The following CFAP61 variants were observed in gnomAD, a reference collection of about 807,000 sequenced individuals.
CFAP61 encodes cilia and flagella associated protein 61.
CFAP61 carries 107 observed loss-of-function variants against 135.6 expected under a neutral mutation model. That is an observed-to-expected ratio of 0.79 (90% CI 0.67 to 0.93). CFAP61 has a LOEUF of 0.93. CFAP61 is among the 40% of genes least tolerant of loss of function. The probability of loss-of-function intolerance (pLI) is 0.00; values close to 1 mark genes in which losing one functional copy is unlikely to be tolerated. For synonymous variants in CFAP61, 575 were observed against 578.5 expected (o/e 0.99, Z 0.09); for missense variants, 1,507 against 1,556.2 (o/e 0.97, Z 0.53).
intron 9 of CFAP61, among the ~76,000 whole-genome samples, chr20:20,157,135 T>A (rs2052981334): frequency 6.6e-6 from 1 of 152,158 alleles, no homozygotes; most frequent in South Asian, 2.1e-4. Context: ...TGCAGTGGCA[T>A]GATCTCAGCT....
chr20:20,057,753 A>G (rs554227125), intron 2 of CFAP61, among the ~76,000 whole-genome samples: 2 of 152,096 alleles, frequency 1.3e-5, no homozygotes, highest in Non-Finnish European at 2.9e-5. Context: ...GGTTTGCTCT[A>G]TTGCCCAGAT....
chr20:20,329,045 G>A (rs1339199436), intron 25 of CFAP61, among the ~76,000 whole-genome samples: 1 of 152,066 alleles, frequency 6.6e-6, no homozygotes, highest in Non-Finnish European at 1.5e-5. Context: ...GGTGGTTTTT[G>A]GCTGGTAGGA....
chr20:20,297,535 A>T (rs1202984674), intron 24 of CFAP61, among the ~76,000 whole-genome samples: 4 of 152,182 alleles, frequency 2.6e-5, no homozygotes, highest in Non-Finnish European at 5.9e-5. Context: ...TACCCTTGTC[A>T]CTTGGGCTGA....
intron 25 of CFAP61, among the ~76,000 whole-genome samples, chr20:20,339,357 C>T (rs1434131483): frequency 6.6e-6 from 1 of 152,168 alleles, no homozygotes; most frequent in African/African-American, 2.4e-5. Context: ...AAACCTGGCC[C>T]TAAGCTTCAC....
At chr20:20,125,987 CT>C (rs2050037226) in intron 8 of CFAP61, among the ~76,000 whole-genome samples, 1 of 151,786 alleles carries the variant, frequency 6.6e-6, no homozygotes, top group African/African-American at 2.4e-5. Flanking sequence ...TCTCTTTTAA[CT>C]GCTGTTGCTT....
Position 20,350,481 on chromosome 20 carries a change from T to C in CFAP61, c.3513+8560T>C, listed in dbSNP as rs141384436. On this transcript the variant is annotated intron_variant, in intron 26 of 26. Transcript: ENST00000245957. ...ACATCTCTACTAAAAATACAAAAAT[T>C]AGCCGGACGTGATAGTGCACACCAG... 4.6e-3 allele frequency among the ~76,000 whole-genome samples: 702 copies of C among 152,028 alleles called. 5 individuals carry two copies. The highest frequency in any genetic ancestry group is 0.015 in the African/African-American group (619 of 41,464).
intron 2 of CFAP61, among the ~76,000 whole-genome samples, chr20:20,063,130 C>G (rs1033682402): frequency 1.3e-5 from 2 of 152,188 alleles, no homozygotes; most frequent in East Asian, 3.9e-4. Context: ...GGCACAAGTG[C>G]CTTTATAAGC....
In CFAP61 at chr20:20,074,350, T is replaced by C; in HGVS notation, c.343T>C (p.Ser115Pro). The stretch of plus-strand genomic sequence containing the variant: ...CCTCTTTGTGGCCGTGGATGAGTAT[T>C]CTGTTGGCTGTTGCAAAGAGATTCT... Reference protein sequence around the residue: ...MHLFVAVDEYSVGCCKEILRT... With the variant: ...MHLFVAVDEYPVGCCKEILRT... The change falls in exon 4 of 27, where the codon TCT becomes CCT. Residue 115 changes from serine (S) to proline (P), a missense_variant. Transcript: ENST00000245957. The C allele has an allele frequency of 6.2e-7, 1 of 1,614,228 alleles. No homozygotes were observed. The highest frequency in any genetic ancestry group is 8.5e-7 in the Non-Finnish European group (1 of 1,180,032).
At chr20:20,260,534 CT>C (rs1301467726) in intron 20 of CFAP61, among the ~76,000 whole-genome samples, 1 of 152,188 alleles carries the variant, frequency 6.6e-6, no homozygotes, top group East Asian at 1.9e-4. Context: ...TCTTTAATTG[CT>C]CTTATTCTTT....
At chr20:20,275,382 T>C (rs894067297) in intron 21 of CFAP61, among the ~76,000 whole-genome samples, 1 of 152,230 alleles carries the variant, frequency 6.6e-6, no homozygotes, top group Admixed American at 6.5e-5. Flanking sequence ...TTGTTAAACA[T>C]AAAGGTAGCC....
chr20:20,073,895 T>C, intron 3 of CFAP61: 1 of 171,544 alleles, frequency 5.8e-6, no homozygotes, highest in Admixed American at 5.8e-5. Context: ...GTCACATGAA[T>C]AGAGCAGCAG....
At chr20:20,179,438 T>C (rs1001550195) in intron 13 of CFAP61, among the ~76,000 whole-genome samples, 1 of 152,166 alleles carries the variant, frequency 6.6e-6, no homozygotes, top group African/African-American at 2.4e-5. Flanking sequence ...ATCAATATCA[T>C]TAAAATGACC....
At chr20:20,142,251 C>T (rs1191378336) in intron 8 of CFAP61, among the ~76,000 whole-genome samples, 1 of 152,202 alleles carries the variant, frequency 6.6e-6, no homozygotes, top group Admixed American at 6.5e-5. Context: ...AAAACCAATG[C>T]TCAGCTCCAG....
intron 9 of CFAP61, among the ~76,000 whole-genome samples, chr20:20,156,774 A>G (rs2052943174): frequency 1.3e-5 from 2 of 152,206 alleles, no homozygotes; most frequent in South Asian, 2.1e-4. Flanking sequence ...TTAAATACTT[A>G]TAGATTAAAT....
chr20:20,182,971 A>C (rs2055219511), intron 13 of CFAP61, among the ~76,000 whole-genome samples: 1 of 152,202 alleles, frequency 6.6e-6, no homozygotes, highest in African/African-American at 2.4e-5. Flanking sequence ...AAAAGGAAGG[A>C]GCTAGATCAC....
At chr20:20,088,264 C>A (rs2080117520) in intron 6 of CFAP61, among the ~76,000 whole-genome samples, 1 of 152,090 alleles carries the variant, frequency 6.6e-6, no homozygotes, top group African/African-American at 2.4e-5. Context: ...GTCTCTCCTT[C>A]CAGAGAGTTT....
At chr20:20,332,988 T>C (rs1172836904) in intron 25 of CFAP61, among the ~76,000 whole-genome samples, 3 of 152,208 alleles carry the variant, frequency 2.0e-5, no homozygotes, top group East Asian at 3.8e-4. Context: ...TTACCTTTAT[T>C]GCTCTATAAA....
chr20:20,142,708 C>T, intron 8 of CFAP61, 149 bp from the exon 9 acceptor site: 1 of 589,350 alleles, frequency 1.7e-6, no homozygotes, highest in Non-Finnish European at 3.1e-6. Flanking sequence ...CGGAGACCTG[C>T]TCTTCCCACC....
Position 20,277,246 on chromosome 20 carries a change from C to G in CFAP61, c.2584C>G (p.Arg862Gly), listed in dbSNP as rs761516909. ...TLLNLGVSGS[R>G]IHLVQPPPAS... The stretch of plus-strand genomic sequence containing the variant: ...CTTAAACCTTGGCGTGAGCGGCAGC[C>G]GCATCCACCTCGTGCAGCCCCCGCC... The change falls in exon 22 of 27, where the codon CGC becomes GGC. Residue 862 changes from arginine (R) to glycine (G), a missense_variant. Coordinates refer to ENST00000245957, the MANE Select transcript of CFAP61 (RefSeq NM_015585.4). The G allele has an allele frequency of 6.8e-6, 11 of 1,613,728 alleles. No individual in the cohort carries two copies. Among genetic ancestry groups the G allele is most frequent in the African/African-American group, 1.3e-5 (1 of 74,936 alleles).
Sources: allele counts gnomAD v4.1 joint callset (sites outside exome capture counted in the v4.1 genomes callset), GRCh38; gene constraint gnomAD v4.1.1; transcripts MANE v1.5; gene names NCBI Gene and HGNC (gene_info 2026-07-23, HGNC 2026-07-21).